The following AP1S3 variants were observed in gnomAD, a reference collection of about 807,000 sequenced individuals.
The protein encoded by AP1S3 is AP-1 complex subunit sigma-3.
Under a neutral mutation model 20.9 loss-of-function variants are expected in AP1S3, and 10 were observed. That is an observed-to-expected ratio of 0.48 (90% CI 0.29 to 0.81). The LOEUF is 0.81. AP1S3 is among the 30% of genes least tolerant of loss of function. The probability of loss-of-function intolerance (pLI) is 0.08; values close to 1 mark genes in which losing one functional copy is unlikely to be tolerated. For missense variants in AP1S3, 154 were observed against 183.8 expected (o/e 0.84, Z 0.94); for synonymous variants, 41 against 61.5 (o/e 0.67, Z 1.56).
At chr2:223,774,925 G>A (rs574189215) in intron 3 of AP1S3, among the ~76,000 whole-genome samples, 40 of 152,276 alleles carry the variant, frequency 2.6e-4, no homozygotes, top group Non-Finnish European at 5.1e-4. Context: ...CCAGGACAGA[G>A]CGTCAGTACA....
intron 1 of AP1S3, among the ~76,000 whole-genome samples, chr2:223,832,167 G>A (rs920259225): frequency 6.6e-6 from 1 of 150,540 alleles, no homozygotes; most frequent in Non-Finnish European, 1.5e-5. Context: ...GTGTGTGTGT[G>A]TGTGTGTGTG....
chr2:223,826,646 A>T (rs950900184), intron 1 of AP1S3, among the ~76,000 whole-genome samples: 1 of 151,996 alleles, frequency 6.6e-6, no homozygotes, highest in African/African-American at 2.4e-5. Context: ...TATTTCATAG[A>T]GATGCTTTTT....
chr2:223,828,970 G>A (rs1356987372), intron 1 of AP1S3, among the ~76,000 whole-genome samples: 2 of 152,152 alleles, frequency 1.3e-5, no homozygotes. Context: ...CGACTAGCTG[G>A]GATTACAGGC....
At chr2:223,786,592 C>CAA (rs112139260) in intron 1 of AP1S3, among the ~76,000 whole-genome samples, 271 of 147,630 alleles carry the variant, frequency 1.8e-3, no homozygotes, top group African/African-American at 6.5e-3. Flanking sequence ...TGTGTCTCTA[C>CAA]AAAAAAAAAG....
chr2:223,836,137 T>G (rs1692389473), intron 1 of AP1S3, among the ~76,000 whole-genome samples: 1 of 152,146 alleles, frequency 6.6e-6, no homozygotes, highest in Non-Finnish European at 1.5e-5. Context: ...GTTGATCAAC[T>G]TTCTTAGCCC....
At chr2:223,780,001 A>T (rs547013195) in intron 1 of AP1S3, among the ~76,000 whole-genome samples, 1 of 152,076 alleles carries the variant, frequency 6.6e-6, no homozygotes, top group South Asian at 2.1e-4. Flanking sequence ...TCTATTGAAA[A>T]GGCTGAGGCC....
At chr2:223,763,014 C>G (rs77105744) in intron 4 of AP1S3, among the ~76,000 whole-genome samples, 1 of 152,096 alleles carries the variant, frequency 6.6e-6, no homozygotes, top group African/African-American at 2.4e-5. Flanking sequence ...CTTAAGCAGG[C>G]AAGATATGCA....
chr2:223,781,693 C>T (rs778470402), intron 1 of AP1S3, among the ~76,000 whole-genome samples: 23 of 152,086 alleles, frequency 1.5e-4, no homozygotes, highest in Non-Finnish European at 2.4e-4. Flanking sequence ...GTGACTGACA[C>T]TCTACGAGCA....
At chr2:223,791,706 T>G in intron 1 of AP1S3, among the ~76,000 whole-genome samples, 1 of 152,066 alleles carries the variant, frequency 6.6e-6, no homozygotes, top group East Asian at 1.9e-4. Flanking sequence ...GAGAAAGAAA[T>G]AAAAGTATTC....
At chr2:223,805,958 G>C (rs1280339237) in intron 1 of AP1S3, among the ~76,000 whole-genome samples, 1 of 152,186 alleles carries the variant, frequency 6.6e-6, no homozygotes, top group East Asian at 1.9e-4. Context: ...TGTCACAGGA[G>C]TTGGCACTCC....
chr2:223,785,035 T>C lies in AP1S3; in HGVS notation c.4-7166A>G, dbSNP rs555420018. Among the ~76,000 whole-genome samples the C allele has an allele frequency of 2.0e-5, 3 of 152,186 alleles. No homozygotes were observed. In the South Asian group the frequency reaches 6.2e-4, roughly 32 times the overall value. On this transcript the variant is annotated intron_variant, in intron 1 of 4. Transcript: ENST00000396654. ...AATAGTTTCAACAAAGTAAGAATGC[T>C]TATGATACAATGTTGTTTAAAAAAG...
chr2:223,825,706 A>T (rs1405486307), intron 1 of AP1S3, among the ~76,000 whole-genome samples: 1 of 152,172 alleles, frequency 6.6e-6, no homozygotes, highest in Non-Finnish European at 1.5e-5. Context: ...CCTATTAATA[A>T]TAACCACTGC....
chr2:223,817,652 G>A (rs1691879568), intron 1 of AP1S3, among the ~76,000 whole-genome samples: 3 of 151,448 alleles, frequency 2.0e-5, no homozygotes, highest in Non-Finnish European at 4.4e-5. Flanking sequence ...GAAGAGTTTG[G>A]GACCACATCT....
intron 1 of AP1S3, among the ~76,000 whole-genome samples, chr2:223,829,157 A>C (rs1289753791): frequency 6.6e-6 from 1 of 152,156 alleles, no homozygotes; most frequent in Non-Finnish European, 1.5e-5. Flanking sequence ...TTCATTTTGC[A>C]CTGGGCACTG....
At chr2:223,798,982 G>C (rs1691408644) in intron 1 of AP1S3, among the ~76,000 whole-genome samples, 2 of 152,192 alleles carry the variant, frequency 1.3e-5, no homozygotes, top group Admixed American at 1.3e-4. Context: ...TGAGACAGGA[G>C]AATCACTTGA....
At chr2:223,806,342 G>A (rs1016951531) in intron 1 of AP1S3, among the ~76,000 whole-genome samples, 5 of 145,088 alleles carry the variant, frequency 3.4e-5, no homozygotes, top group African/African-American at 7.8e-5. Context: ...GGAGTGCAGT[G>A]GTGGGATCTC....
In AP1S3 at chr2:223,801,580, G is replaced by A. The variant is rs147263292; in HGVS notation, c.4-23711C>T. The stretch of plus-strand genomic sequence containing the variant: ...GTGCCTCAGCCTCCCGTGTAGCTGG[G>A]ATTACAGGCACCCACCAACAAGCCT... On this transcript the variant is annotated intron_variant, in intron 1 of 4. Coordinates refer to ENST00000396654, the MANE Select transcript of AP1S3 (RefSeq NM_001039569.2). 3.2e-3 allele frequency among the ~76,000 whole-genome samples: 481 copies of A among 152,248 alleles called. 3 individuals carry two copies. The highest frequency in any genetic ancestry group is 0.011 in the African/African-American group (450 of 41,538).
At chr2:223,768,122 C>T (rs1690525798) in intron 3 of AP1S3, among the ~76,000 whole-genome samples, 1 of 152,186 alleles carries the variant, frequency 6.6e-6, no homozygotes, top group African/African-American at 2.4e-5. Flanking sequence ...GGAATCTTTA[C>T]CAGCCTGGGC....
chr2:223,768,845 A>C (rs894297679), intron 3 of AP1S3, among the ~76,000 whole-genome samples: 2 of 151,946 alleles, frequency 1.3e-5, no homozygotes, highest in South Asian at 2.1e-4. Flanking sequence ...ACAGAGCAAG[A>C]CTCCTTCTCA....
Sources: gnomAD v4.1 joint callset for allele counts (sites outside exome capture counted in the v4.1 genomes callset) on GRCh38, gnomAD v4.1.1 for gene constraint, MANE v1.5 for transcripts, NCBI Gene and HGNC (gene_info 2026-07-23, HGNC 2026-07-21) for gene names.